The following PON1 variants were observed in gnomAD, a reference collection of about 807,000 sequenced individuals.
PON1 encodes the protein serum paraoxonase/arylesterase 1.
PON1 carries 37 observed loss-of-function variants against 39.2 expected under a neutral mutation model. That is an observed-to-expected ratio of 0.94 (90% CI 0.73 to 1.24). The LOEUF (loss-of-function observed/expected upper bound fraction) is 1.24. Among genes scored for constraint, PON1 ranks in the 50% most tolerant of loss-of-function variants. PON1 has a pLI of 0.00. For missense variants in PON1, 397 were observed against 413.5 expected, an observed-to-expected ratio of 0.96 and a Z score of 0.35; for synonymous variants, 148 against 152.2, an observed-to-expected ratio of 0.97 and a Z score of 0.21.
chr7:95,324,515 G>C lies in PON1; in HGVS notation c.-40C>G, dbSNP rs761603578. The C allele has an allele frequency of 1.9e-6, 3 of 1,584,936 alleles. No individual in the cohort carries two copies. Among genetic ancestry groups the C allele is most frequent in the Non-Finnish European group, 2.6e-6 (3 of 1,155,634 alleles). On this transcript the variant is annotated 5_prime_UTR_variant, in exon 1 of 9. Coordinates refer to ENST00000222381, the MANE Select transcript of PON1 (RefSeq NM_000446.7). Reference sequence around the variant, plus strand: ...AAAGGGATCGATGGGCGCAGACACCGACGGGCTAGGAGGCTCTGCCTGCCT... The same window carrying C: ...AAAGGGATCGATGGGCGCAGACACCCACGGGCTAGGAGGCTCTGCCTGCCT...
chr7:95,303,238 C>T lies in PON1; in HGVS notation c.781-905G>A, dbSNP rs116614917. 7.4e-3 allele frequency among the ~76,000 whole-genome samples: 1,123 copies of T among 152,290 alleles called. 18 individuals carry two copies. The highest frequency in any genetic ancestry group is 0.026 in the African/African-American group (1,078 of 41,560). On this transcript the variant is annotated intron_variant, in intron 7 of 8. Transcript: ENST00000222381. ...CCTACTCAAAATGAGAGCTGTTCCTCACATGCCCAAGGAGGGATTAGAGGG... is the reference window on the plus strand; with the variant it reads ...CCTACTCAAAATGAGAGCTGTTCCTTACATGCCCAAGGAGGGATTAGAGGG...
chr7:95,311,123 C>G (rs1302729199), intron 5 of PON1, among the ~76,000 whole-genome samples: 4 of 151,960 alleles, frequency 2.6e-5, no homozygotes, highest in Non-Finnish European at 5.9e-5. Context: ...CTCATGATGT[C>G]AAATTTATCT....
chr7:95,308,828 T>C (rs916753140), intron 5 of PON1, among the ~76,000 whole-genome samples: 5 of 152,124 alleles, frequency 3.3e-5, no homozygotes, highest in African/African-American at 1.2e-4. Flanking sequence ...GAATGAAATG[T>C]CCATGAACAA....
At chr7:95,312,263 G>A (rs533715111) in intron 4 of PON1, among the ~76,000 whole-genome samples, 4 of 152,096 alleles carry the variant, frequency 2.6e-5, no homozygotes, top group Non-Finnish European at 5.9e-5. Context: ...GCGCCATCTC[G>A]GCTCACTGCA....
At chr7:95,306,833 C>T (rs1284476721) in intron 6 of PON1, among the ~76,000 whole-genome samples, 1 of 152,002 alleles carries the variant, frequency 6.6e-6, no homozygotes, top group Non-Finnish European at 1.5e-5. Flanking sequence ...AGTCTTCCTC[C>T]TCTTCTGCCC....
chr7:95,301,254 C>A (rs1467420477), intron 8 of PON1, among the ~76,000 whole-genome samples: 1 of 152,048 alleles, frequency 6.6e-6, no homozygotes, highest in Non-Finnish European at 1.5e-5. Context: ...AAAAATGGGA[C>A]CTTTGAGTAC....
At chr7:95,307,072 TTAAAA>T (rs1807559548) in intron 6 of PON1, among the ~76,000 whole-genome samples, 1 of 146,730 alleles carries the variant, frequency 6.8e-6, no homozygotes, top group Non-Finnish European at 1.5e-5. Flanking sequence ...TTTTTTTTTT[TTAAAA>T]AAAAACAGAG....
At position 95,312,603 on chromosome 7, in the gene PON1, G is replaced by A. The variant is rs3917516; in HGVS notation, c.371-1026C>T. ...GAGTCAGGCATGTTCTCTCTGATGAGGGGATGTTAGAGCAAAAACCTAAGT... is the reference window on the plus strand; with the variant it reads ...GAGTCAGGCATGTTCTCTCTGATGAAGGGATGTTAGAGCAAAAACCTAAGT... On this transcript the variant is annotated intron_variant, in intron 4 of 8. Transcript: ENST00000222381. Among the ~76,000 whole-genome samples, 338 of 152,334 alleles carry A rather than the reference G, an allele frequency of 2.2e-3. 1 individual carries two copies. Among genetic ancestry groups the A allele is most frequent in the African/African-American group, 7.8e-3 (324 of 41,576 alleles).
intron 1 of PON1, among the ~76,000 whole-genome samples, chr7:95,323,235 T>C (rs1442175054): frequency 1.3e-5 from 2 of 152,174 alleles, no homozygotes; most frequent in Non-Finnish European, 2.9e-5. Context: ...CCTTCCTCTG[T>C]CTGGGTCACT....
At position 95,298,262 on chromosome 7, in the gene PON1, A is replaced by G. The variant is rs758237849; in HGVS notation, c.*682T>C. On this transcript the variant is annotated 3_prime_UTR_variant, in exon 9 of 9. Transcript: ENST00000222381. Reference sequence around the variant, plus strand: ...ATTTGTGCCAAGATCATAGAGACTCATAATTTTCAGGTGTGACAACACTCC... The same window carrying G: ...ATTTGTGCCAAGATCATAGAGACTCGTAATTTTCAGGTGTGACAACACTCC... 6.5e-6 allele frequency: 1 copy of G among 154,254 alleles called. No homozygotes were observed. The highest frequency in any genetic ancestry group is 1.4e-5 in the Non-Finnish European group (1 of 69,388). 9.6% of individuals were successfully genotyped at this position (154,254 alleles called of 1,614,324 possible).
chr7:95,305,632 GGTTTTGAA>G (rs1807522986), intron 7 of PON1, among the ~76,000 whole-genome samples: 2 of 152,160 alleles, frequency 1.3e-5, no homozygotes, highest in Non-Finnish European at 2.9e-5. Context: ...AGCAGTTCCA[GGTTTTGAA>G]GATCGAGGTG....
intron 6 of PON1, among the ~76,000 whole-genome samples, chr7:95,306,831 T>C (rs1807550638): frequency 6.6e-6 from 1 of 152,006 alleles, no homozygotes; most frequent in African/African-American, 2.4e-5. Flanking sequence ...GAAGTCTTCC[T>C]CCTCTTCTGC....
chr7:95,302,107 A>C (rs1219231624), intron 8 of PON1, 98 bp downstream of exon 8: 54 of 796,664 alleles, frequency 6.8e-5, no homozygotes, highest in East Asian at 4.9e-4. Context: ...AAAAAAAAAA[A>C]AAAAAAAAAA....
rs1807969326 is a variant in PON1, at chr7:95,324,452, G to T, written c.24C>A (p.Thr8=). 1 of 1,614,198 alleles carries T rather than the reference G, an allele frequency of 6.2e-7. No homozygotes were observed. The highest frequency in any genetic ancestry group is 8.5e-7 in the Non-Finnish European group (1 of 1,180,042). Residue 8 remains threonine, a synonymous_variant, in exon 1 of 9, where the codon ACC becomes ACA. Coordinates refer to ENST00000222381, the MANE Select transcript of PON1 (RefSeq NM_000446.7). MAKLIAL[T]LLGMGLALFR... is the part of the protein sequence containing the mutation. The stretch of plus-strand genomic sequence containing the variant: ...AGAGTGCCAGTCCCATCCCCAAGAG[G>T]GTGAGCGCAATCAGCTTCGCCATGG...
chr7:95,313,816 C>A (rs1238765265), intron 4 of PON1, among the ~76,000 whole-genome samples: 1 of 152,098 alleles, frequency 6.6e-6, no homozygotes, highest in Non-Finnish European at 1.5e-5. Context: ...AATAATAATA[C>A]CCCTATTTGG....
intron 1 of PON1, among the ~76,000 whole-genome samples, chr7:95,319,142 T>TTTTA (rs1290630187): frequency 6.6e-6 from 1 of 151,518 alleles, no homozygotes; most frequent in Non-Finnish European, 1.5e-5. Context: ...TTTTTTTTTT[T>TTTTA]TTTTTAGAGA....
intron 2 of PON1, among the ~76,000 whole-genome samples, chr7:95,318,085 C>CTTTTTTTTTTTTTTT (rs11343146): frequency 7.6e-6 from 1 of 131,162 alleles, no homozygotes; most frequent in Non-Finnish European, 1.6e-5. Flanking sequence ...TTCTTTTTTT[C>CTTTTTTTTTTTTTTT]TTTTTTTTTT....
chr7:95,317,620 A>C (rs1353888093), intron 2 of PON1, among the ~76,000 whole-genome samples: 1 of 151,372 alleles, frequency 6.6e-6, no homozygotes, highest in African/African-American at 2.4e-5. Context: ...CCCAAAGCAC[A>C]CAAAAGCATG....
chr7:95,300,603 TA>T (rs1271657594), intron 8 of PON1, among the ~76,000 whole-genome samples: 3 of 152,190 alleles, frequency 2.0e-5, no homozygotes, highest in African/African-American at 7.2e-5. Context: ...TTAATAAAAC[TA>T]AATCACTCAT....
Sources: gnomAD v4.1 joint callset for allele counts (sites outside exome capture counted in the v4.1 genomes callset) on GRCh38, gnomAD v4.1.1 for gene constraint, MANE v1.5 for transcripts, NCBI Gene and HGNC (gene_info 2026-07-23, HGNC 2026-07-21) for gene names.